Variants in IRAK2 observed in about 807,000 individuals in gnomAD.
The protein encoded by IRAK2 is interleukin-1 receptor-associated kinase-like 2.
IRAK2 carries 57 observed loss-of-function variants against 72.0 expected under a neutral mutation model. The ratio of observed to expected loss-of-function variants is 0.79; its 90% CI spans 0.64 to 0.99. The LOEUF (loss-of-function observed/expected upper bound fraction) is 0.99, where lower values mean the gene tolerates loss of function less well. IRAK2 is among the 50% of genes least tolerant of loss of function. The pLI is 0.00. For synonymous variants in IRAK2, 293 were observed against 312.7 expected, an observed-to-expected ratio of 0.94 and a Z score of 0.67; for missense variants, 790 against 794.4, an observed-to-expected ratio of 0.99 and a Z score of 0.07.
chr3:10,177,907 G>A lies in IRAK2; in HGVS notation c.164G>A (p.Ser55Asn). 2 of 1,613,912 alleles carry A rather than the reference G, an allele frequency of 1.2e-6. No homozygotes were observed. Among genetic ancestry groups the A allele is most frequent in the Non-Finnish European group, 1.7e-6 (2 of 1,180,030 alleles). ...IKSMERVQGV[S>N]ITRELLWWWG... is the part of the protein sequence containing the mutation. Reference sequence around the variant, plus strand: ...TCCATGGAGCGGGTGCAGGGTGTGAGCATCACGCGGGAGCTGCTGTGGTGG... The same window carrying A: ...TCCATGGAGCGGGTGCAGGGTGTGAACATCACGCGGGAGCTGCTGTGGTGG... The change falls in exon 2 of 13, where the codon AGC becomes AAC. Residue 55 changes from serine (S) to asparagine (N), a missense_variant. By Grantham distance (46) the Ser-to-Asn change is conservative. Transcript: ENST00000256458.
chr3:10,217,522 T>C (rs1476511052), intron 7 of IRAK2, among the ~76,000 whole-genome samples: 1 of 152,180 alleles, frequency 6.6e-6, no homozygotes, highest in Non-Finnish European at 1.5e-5. Context: ...ATTTTTATTA[T>C]AAAATGTTCT....
chr3:10,241,697 T>C (rs1487756839), intron 12 of IRAK2, among the ~76,000 whole-genome samples: 1 of 150,190 alleles, frequency 6.7e-6, no homozygotes, highest in Non-Finnish European at 1.5e-5. Flanking sequence ...GCTCAGGAGT[T>C]CAAGCCTAGT....
rs1220247088 is a variant in IRAK2 at position 10,184,689 on chromosome 3, C to T, written c.277+6669C>T. On this transcript the variant is annotated intron_variant, in intron 2 of 12. Transcript: ENST00000256458. ...ATCTGGCAGAGGAGCAATTGTAAAA[C>T]TCCCTTCCCTGTTTTTTTGTGGAGT... 1.1e-4 allele frequency among the ~76,000 whole-genome samples: 16 copies of T among 150,144 alleles called. 1 individual carries two copies. The highest frequency in any genetic ancestry group is 4.0e-4 in the African/African-American group (16 of 40,134).
chr3:10,173,418 CT>C (rs1479255891), intron 1 of IRAK2, among the ~76,000 whole-genome samples: 1 of 152,170 alleles, frequency 6.6e-6, no homozygotes, highest in Non-Finnish European at 1.5e-5. Flanking sequence ...CCCAAATATT[CT>C]ACGATGACCA....
intron 3 of IRAK2, among the ~76,000 whole-genome samples, chr3:10,208,052 GTGAAGATTAATC>G (rs1697458812): frequency 6.6e-6 from 1 of 151,044 alleles, no homozygotes; most frequent in African/African-American, 2.4e-5. Context: ...TGTGCCCCAT[GTGAAGATTAATC>G]TGAAGACTAA....
At chr3:10,195,002 C>T (rs1697241225) in intron 2 of IRAK2, among the ~76,000 whole-genome samples, 1 of 152,182 alleles carries the variant, frequency 6.6e-6, no homozygotes, top group Admixed American at 6.5e-5. Flanking sequence ...CACCGCCCCT[C>T]CCCATCTGTT....
At position 10,213,401 on chromosome 3, in the gene IRAK2, G is replaced by A; in HGVS notation, c.723G>A (p.Glu241=). 1 of 1,614,022 alleles carries A rather than the reference G, an allele frequency of 6.2e-7. No individual in the cohort carries two copies. Among genetic ancestry groups the A allele is most frequent in the Non-Finnish European group, 8.5e-7 (1 of 1,179,912 alleles). ...GKPFVFKKLR[E]TACSSPGSIE... ...CATTCGTCTTCAAGAAGCTCAGAGAGGTGAGCACTTCTTGGTTTCTAGTGG... is the reference window on the plus strand; with the variant it reads ...CATTCGTCTTCAAGAAGCTCAGAGAAGTGAGCACTTCTTGGTTTCTAGTGG... Residue 241 remains glutamate (E), a splice_region_variant and synonymous_variant, in exon 5 of 13, where the codon GAG becomes GAA. Coordinates refer to ENST00000256458, the MANE Select transcript of IRAK2 (RefSeq NM_001570.4).
intron 11 of IRAK2, among the ~76,000 whole-genome samples, chr3:10,236,676 CAT>C (rs1245087422): frequency 6.6e-6 from 1 of 151,848 alleles, no homozygotes; most frequent in Non-Finnish European, 1.5e-5. Context: ...AGAGGTAGGA[CAT>C]AATCAGTTTT....
intron 4 of IRAK2, among the ~76,000 whole-genome samples, chr3:10,212,788 A>G (rs7613361): frequency 0.33 from 45,623 of 136,502 alleles, 8,107 homozygotes; most frequent in Middle Eastern, 0.39. Context: ...TTTTTGAGAC[A>G]GAGTCTCGCT....
chr3:10,184,723 GTTT>G (rs55839723), intron 2 of IRAK2, among the ~76,000 whole-genome samples: 41 of 102,014 alleles, frequency 4.0e-4, no homozygotes, highest in East Asian at 2.6e-3. Flanking sequence ...GTTTTTGTGT[GTTT>G]TTTTTTTTTT....
Position 10,226,368 on chromosome 3 carries a change from C to G in IRAK2, c.1210-3C>G. The G allele has an allele frequency of 6.2e-7, 1 of 1,612,964 alleles. No individual in the cohort carries two copies. The highest frequency in any genetic ancestry group is 1.3e-5 in the African/African-American group (1 of 75,026). ...ATGCTAACTCACGTTCTGTTCTCTC[C>G]AGGTGTTGGCCGAGGTCCTCACGGG... is the stretch of plus-strand genomic sequence containing the variant. On this transcript the variant is annotated splice_polypyrimidine_tract_variant and splice_region_variant and intron_variant, in intron 9 of 12. Coordinates refer to ENST00000256458, the MANE Select transcript of IRAK2 (RefSeq NM_001570.4).
chr3:10,197,919 G>A (rs781539220), intron 2 of IRAK2, among the ~76,000 whole-genome samples: 1 of 148,540 alleles, frequency 6.7e-6, no homozygotes, highest in Non-Finnish European at 1.5e-5. Flanking sequence ...AGCCACTCAG[G>A]CCGGGCGCAG....
At chr3:10,206,849 C>T (rs1335302175) in intron 3 of IRAK2, among the ~76,000 whole-genome samples, 1 of 91,012 alleles carries the variant, frequency 1.1e-5, no homozygotes, top group African/African-American at 4.4e-5. Context: ...AGCCACTGTG[C>T]TGGCCAAAAC....
chr3:10,186,023 T>C lies in IRAK2; in HGVS notation c.277+8003T>C, dbSNP rs1257018214. The stretch of plus-strand genomic sequence containing the variant: ...AGGCAGAGATTGCAATGAGCCAAGA[T>C]TGTGCCACTGCACTTCAGCCTGGGT... On this transcript the variant is annotated intron_variant, in intron 2 of 12. Coordinates refer to ENST00000256458, the MANE Select transcript of IRAK2 (RefSeq NM_001570.4). Among the ~76,000 whole-genome samples, 4 of 151,528 alleles carry C rather than the reference T, an allele frequency of 2.6e-5. 1 individual carries two copies. Among genetic ancestry groups the C allele is most frequent in the African/African-American group, 4.9e-5 (2 of 40,858 alleles).
At chr3:10,224,352 GA>G (rs1259227160) in intron 9 of IRAK2, among the ~76,000 whole-genome samples, 3 of 141,552 alleles carry the variant, frequency 2.1e-5, no homozygotes, top group East Asian at 2.3e-4. Context: ...AAAAAAAAAA[GA>G]AAAAAAAGAA....
At chr3:10,193,500 G>C (rs1451473409) in intron 2 of IRAK2, among the ~76,000 whole-genome samples, 1 of 152,198 alleles carries the variant, frequency 6.6e-6, no homozygotes, top group Non-Finnish European at 1.5e-5. Context: ...GCGTGCTCCT[G>C]TGGTCTCAGC....
chr3:10,173,285 G>C (rs529401680), intron 1 of IRAK2, among the ~76,000 whole-genome samples: 1 of 151,136 alleles, frequency 6.6e-6, no homozygotes, highest in African/African-American at 2.5e-5. Flanking sequence ...CTGTCCTGCT[G>C]ACTTTCGCAC....
intron 2 of IRAK2, among the ~76,000 whole-genome samples, chr3:10,189,776 C>T (rs1432989487): frequency 2.0e-5 from 3 of 152,016 alleles, no homozygotes; most frequent in African/African-American, 4.8e-5. Context: ...CGGAAGGGGC[C>T]GGGCTGTGCC....
chr3:10,234,534 A>T lies in IRAK2; in HGVS notation c.1348A>T (p.Met450Leu). The change falls in exon 11 of 13, where the codon ATG becomes TTG. Residue 450 changes from methionine to leucine, a missense_variant. Met to Leu is a conservative substitution (Grantham distance 15). Transcript: ENST00000256458. ...CAGGAAGACGGGCGTGGAGAACGTG[A>T]TGGCAAAGGAGATCTGCCAGAAGTA... is the stretch of plus-strand genomic sequence containing the variant. ...CSRKTGVENV[M>L]AKEICQKYLE... 1 of 1,614,150 alleles carries T rather than the reference A, an allele frequency of 6.2e-7. No homozygotes were observed. Among genetic ancestry groups the T allele is most frequent in the African/African-American group, 1.3e-5 (1 of 75,058 alleles).
Sources: gnomAD v4.1 joint callset for allele counts (sites outside exome capture counted in the v4.1 genomes callset) on GRCh38, gnomAD v4.1.1 for gene constraint, MANE v1.5 for transcripts, NCBI Gene and HGNC (gene_info 2026-07-23, HGNC 2026-07-21) for gene names.